ARID1B: variants seen among roughly 807,000 people sequenced by gnomAD.
ARID1B encodes the protein AT-rich interaction domain 1B.
In ARID1B, 30 loss-of-function variants were observed where a neutral mutation model predicts 212.3. The observed-to-expected ratio is 0.14, with a 90% CI of 0.11 to 0.19. The LOEUF (loss-of-function observed/expected upper bound fraction) is 0.19, where lower values mean the gene tolerates loss of function less well. Ranked by LOEUF, ARID1B falls within the 10% of genes least tolerant of loss-of-function variation. ARID1B has a pLI of 1.00. For missense variants in ARID1B, 2,891 were observed against 3,204.0 expected, an observed-to-expected ratio of 0.90 and a Z score of 2.36; for synonymous variants, 1,402 against 1,301.7, an observed-to-expected ratio of 1.08 and a Z score of -1.66.
chr6:157,084,759 A>G lies in ARID1B; in HGVS notation c.2345A>G (p.Gln782Arg), dbSNP rs368202669. ...ASGSTSSQGD[Q>R]SNPAQSPFSP... ...GGGTCCACGAGCAGCCAAGGGGATC[A>G]GAGCAACCCGGCGCAGTCGCCTTTC... The change falls in exon 5 of 20, where the codon CAG becomes CGG. Residue 782 changes from glutamine to arginine, a missense_variant. This residue lies in a region of ARID1B where 1,643 missense variants were observed against 1,544.0 expected (regional missense o/e 1.06). Transcript: ENST00000636930. 1.7e-5 allele frequency: 27 copies of G among 1,614,104 alleles called. No homozygotes were observed. The highest frequency in any genetic ancestry group is 2.2e-5 in the Non-Finnish European group (26 of 1,180,046).
intron 4 of ARID1B, among the ~76,000 whole-genome samples, chr6:156,975,613 C>CTTTTTTTTTTTTTTTTT (rs367797338): frequency 8.1e-4 from 90 of 110,812 alleles, no homozygotes; most frequent in Middle Eastern, 4.9e-3. Flanking sequence ...TTTTTTTTTT[C>CTTTTTTTTTTTTTTTTT]TTTTTTTTTT....
At position 157,207,804 on chromosome 6, in the gene ARID1B, G is replaced by A. The variant is rs2128399524; in HGVS notation, c.7032G>A (p.Arg2344=). The change falls in exon 20 of 20, where the codon CGG becomes CGA. Residue 2344 remains arginine (R), a synonymous_variant. Transcript: ENST00000636930. The surrounding 1 kb of genome is among the most constrained non-coding windows in gnomAD (Gnocchi z 8.5). ...CGGAATTCCTTTTGCACGAGGGCCG[G>A]TTGCTGGATATCTCGATATCAGCTG... ...NRSEFLLHEG[R]LLDISISAVL... 1 of 1,549,820 alleles carries A rather than the reference G, an allele frequency of 6.5e-7. No individual in the cohort carries two copies. Among genetic ancestry groups the A allele is most frequent in the Non-Finnish European group, 8.7e-7 (1 of 1,145,278 alleles).
chr6:156,966,922 A>G (rs1461139377), intron 4 of ARID1B, among the ~76,000 whole-genome samples: 2 of 150,938 alleles, frequency 1.3e-5, no homozygotes. Context: ...CTGGTCTCGA[A>G]CTCCTGACCT....
At chr6:156,782,511 T>C (rs2115059970) in intron 1 of ARID1B, among the ~76,000 whole-genome samples, 1 of 152,282 alleles carries the variant, frequency 6.6e-6, no homozygotes, top group South Asian at 2.1e-4. Flanking sequence ...TTCTACTGAA[T>C]TCCATAAATG....
At position 157,201,229 on chromosome 6, in the gene ARID1B, A is replaced by G; in HGVS notation, c.5004A>G (p.Ser1668=). The G allele has an allele frequency of 6.2e-7, 1 of 1,613,916 alleles. No homozygotes were observed. Among genetic ancestry groups the G allele is most frequent in the Non-Finnish European group, 8.5e-7 (1 of 1,179,896 alleles). The change falls in exon 18 of 20, where the codon TCA becomes TCG. Residue 1668 remains serine, a synonymous_variant. Transcript: ENST00000636930. This position sits in a 1 kb window ranked among gnomAD's most constrained non-coding sequence, Gnocchi z 5.2. ...PPQPSYQTPP[S]LPNHISRAPS... is the part of the protein sequence containing the mutation. ...AGCCGTCCTACCAGACGCCACCGTC[A>G]CTGCCAAATCACATCTCCAGGGCGC...
At chr6:157,047,910 A>AT (rs1392015432) in intron 4 of ARID1B, among the ~76,000 whole-genome samples, 4 of 152,220 alleles carry the variant, frequency 2.6e-5, no homozygotes, top group African/African-American at 9.7e-5. Flanking sequence ...TGCCTGTAAA[A>AT]TTCCTTTGCA....
chr6:157,085,477 A>G (rs543124478), intron 5 of ARID1B, among the ~76,000 whole-genome samples: 2 of 152,242 alleles, frequency 1.3e-5, no homozygotes, highest in East Asian at 3.9e-4. Context: ...TTCACTTGTC[A>G]TGCATCGCCT....
Position 157,201,878 on chromosome 6 carries a change from T to C in ARID1B, c.5263+390T>C, listed in dbSNP as rs566281895. On this transcript the variant is annotated intron_variant, in intron 18 of 19. Transcript: ENST00000636930. This position sits in a 1 kb window ranked among gnomAD's most constrained non-coding sequence, Gnocchi z 5.2. ...CAGGGAATCCTGAGTGGTTATATGC[T>C]GTATTTTGGGCTTAAAGATTTGAAC... Among the ~76,000 whole-genome samples, 1 of 152,224 alleles carries C rather than the reference T, an allele frequency of 6.6e-6. No individual in the cohort carries two copies. The highest frequency in any genetic ancestry group is 6.5e-5 in the Admixed American group (1 of 15,288).
At chr6:156,791,474 G>A (rs1461829334) in intron 1 of ARID1B, among the ~76,000 whole-genome samples, 1 of 152,224 alleles carries the variant, frequency 6.6e-6, no homozygotes, top group Non-Finnish European at 1.5e-5. Flanking sequence ...CCTTACGTGA[G>A]CTGTTCCATT....
intron 2 of ARID1B, among the ~76,000 whole-genome samples, chr6:156,857,312 G>T (rs1328259006): frequency 6.6e-6 from 1 of 152,216 alleles, no homozygotes; most frequent in African/African-American, 2.4e-5. Context: ...TCAAGAGAGT[G>T]TCAGTGCCCT....
At chr6:156,985,342 A>T (rs1777857866) in intron 4 of ARID1B, 1 of 152,250 alleles carries the variant, frequency 6.6e-6, no homozygotes, top group African/African-American at 2.4e-5. Flanking sequence ...TTTTGTACTT[A>T]GCGTTTGTGT....
chr6:157,148,577 C>T lies in ARID1B; in HGVS notation c.2762-47C>T. On this transcript the variant is annotated intron_variant, in intron 7 of 19. Transcript: ENST00000636930. This position sits in a 1 kb window ranked among gnomAD's most constrained non-coding sequence, Gnocchi z 5.6. ...AAAAAGTATTTCCAGTGAATGTTGTCACAAGTTTAAATAAAAGGCTTTACT... is the reference window on the plus strand; with the variant it reads ...AAAAAGTATTTCCAGTGAATGTTGTTACAAGTTTAAATAAAAGGCTTTACT... 2.6e-6 allele frequency: 4 copies of T among 1,549,666 alleles called. 1 individual carries two copies. The highest frequency in any genetic ancestry group is 3.5e-6 in the Non-Finnish European group (4 of 1,140,328).
rs764324632 is a variant in ARID1B, at chr6:157,206,734, T to C, written c.5962T>C (p.Ser1988Pro). 2 of 1,612,992 alleles carry C rather than the reference T, an allele frequency of 1.2e-6. No homozygotes were observed. The highest frequency in any genetic ancestry group is 1.7e-6 in the Non-Finnish European group (2 of 1,180,000). ...GAAAGAGCAAGAAGGCAAAGGCGAC[T>C]CTGAAGAGCAGCAAGAGAAAAGCAT... is the stretch of plus-strand genomic sequence containing the variant. Reference protein sequence around the residue: ...RKKEQEGKGDSEEQQEKSIIA... With the variant: ...RKKEQEGKGDPEEQQEKSIIA... Residue 1988 changes from serine to proline, a missense_variant, in exon 20 of 20, where the codon TCT becomes CCT. By Grantham distance (74) the Ser-to-Pro change is moderately conservative. This residue lies in a region of ARID1B where 332 missense variants were observed against 369.2 expected (regional missense o/e 0.90). Coordinates refer to ENST00000636930, the MANE Select transcript of ARID1B (RefSeq NM_001374828.1). This position sits in a 1 kb window ranked among gnomAD's most constrained non-coding sequence, Gnocchi z 6.8.
At chr6:157,186,592 T>C (rs1792994000) in intron 13 of ARID1B, 1 of 460,818 alleles carries the variant, frequency 2.2e-6, no homozygotes, top group Non-Finnish European at 4.5e-6. Context: ...ATTTTTGTTG[T>C]TAAAGGAAAA....
intron 6 of ARID1B, among the ~76,000 whole-genome samples, chr6:157,131,385 C>A (rs544966599): frequency 6.6e-6 from 1 of 152,098 alleles, no homozygotes; most frequent in East Asian, 1.9e-4. Context: ...TGGGAAAGGG[C>A]AAGGGTTGGT....
At chr6:156,782,559 G>A (rs747001334) in intron 1 of ARID1B, among the ~76,000 whole-genome samples, 1 of 152,092 alleles carries the variant, frequency 6.6e-6, no homozygotes, top group Non-Finnish European at 1.5e-5. Flanking sequence ...GTAGTACAAT[G>A]TATTAAGAAA....
intron 1 of ARID1B, among the ~76,000 whole-genome samples, chr6:156,801,257 G>C (rs183233046): frequency 6.9e-6 from 1 of 144,830 alleles, no homozygotes; most frequent in Non-Finnish European, 1.5e-5. Context: ...CTGGAGTGCA[G>C]TGGTGCAATC....
At chr6:157,044,908 T>A (rs1322212688) in intron 4 of ARID1B, among the ~76,000 whole-genome samples, 1 of 152,166 alleles carries the variant, frequency 6.6e-6, no homozygotes, top group African/African-American at 2.4e-5. Flanking sequence ...CCTGAGCTGG[T>A]CTAGAAAATA....
chr6:157,041,618 C>A (rs1012392376), intron 4 of ARID1B, among the ~76,000 whole-genome samples: 6 of 152,128 alleles, frequency 3.9e-5, no homozygotes, highest in African/African-American at 1.4e-4. Flanking sequence ...TCATATGAGA[C>A]GTGGACACTG....
Sources: gnomAD v4.1 joint callset for allele counts (sites outside exome capture counted in the v4.1 genomes callset) on GRCh38, gnomAD v4.1.1 for gene constraint, gnomAD v4.1.1 regional missense constraint, Gnocchi (gnomAD v3.1) non-coding constraint, MANE v1.5 for transcripts, NCBI Gene and HGNC (gene_info 2026-07-23, HGNC 2026-07-21) for gene names.